BCL6: variants seen among roughly 807,000 people sequenced by gnomAD.
BCL6 encodes the protein B-cell lymphoma 6 protein.
BCL6 carries 7 observed loss-of-function variants against 59.5 expected under a neutral mutation model. That is an observed-to-expected ratio of 0.12 (90% CI 0.07 to 0.22). BCL6 has a LOEUF of 0.22. Among genes scored for constraint, BCL6 ranks in the 10% least tolerant of loss-of-function variants. BCL6 has a pLI of 1.00. For missense variants in BCL6, 685 were observed against 939.4 expected, an observed-to-expected ratio of 0.73 and a Z score of 3.54; for synonymous variants, 339 against 349.7, an observed-to-expected ratio of 0.97 and a Z score of 0.34.
At chr3:187,724,112 T>C (rs1020496414) in intron 9 of BCL6, among the ~76,000 whole-genome samples, 2 of 152,168 alleles carry the variant, frequency 1.3e-5, no homozygotes, top group South Asian at 4.1e-4. Context: ...GTATGTAGGT[T>C]AACCATTCAT....
intron 9 of BCL6, among the ~76,000 whole-genome samples, chr3:187,723,781 TC>T (rs1425779135): frequency 1.3e-5 from 2 of 152,178 alleles, no homozygotes; most frequent in African/African-American, 2.4e-5. Flanking sequence ...GCCTTGGATC[TC>T]CCTTCTGAAT....
At position 187,722,586 on chromosome 3, in the gene BCL6, G is replaced by C. The variant is rs771597612; in HGVS notation, c.1993C>G (p.Leu665Val). Residue 665 changes from leucine (L) to valine (V), a missense_variant, in exon 10 of 10, where the codon CTG becomes GTG. This residue lies in a region of BCL6 where 38 missense variants were observed against 97.9 expected (regional missense o/e 0.39). Coordinates refer to ENST00000406870, the MANE Select transcript of BCL6 (RefSeq NM_001706.5). ...EKPYHCEKCN[L>V]HFRHKSQLRL... ...AGCTGGCTTTTGTGACGGAAATGCA[G>C]GTTACACTTCTCACACTGCAGGGAT... is the stretch of plus-strand genomic sequence containing the variant. The C allele has an allele frequency of 1.9e-6, 3 of 1,613,602 alleles. No homozygotes were observed. The highest frequency in any genetic ancestry group is 2.5e-6 in the Non-Finnish European group (3 of 1,179,840).
At chr3:187,740,796 C>T (rs1264347470) in intron 1 of BCL6, among the ~76,000 whole-genome samples, 1 of 152,206 alleles carries the variant, frequency 6.6e-6, no homozygotes, top group African/African-American at 2.4e-5. Context: ...ATGGTGTGTT[C>T]GAAGCGGGTT....
Position 187,725,178 on chromosome 3 carries a change from G to GC in BCL6, c.1840-101dup. On this transcript the variant is annotated intron_variant, in intron 8 of 9. Transcript: ENST00000406870. This position sits in a 1 kb window ranked among gnomAD's most constrained non-coding sequence, Gnocchi z 4.7. Reference sequence around the variant, plus strand: ...AGCCAGTGAGTGGGCCTTTCTCCAGGCCACTCTGCTCACCTGCACACAGGG... The same window carrying GC: ...AGCCAGTGAGTGGGCCTTTCTCCAGGCCCACTCTGCTCACCTGCACACAGGG... 6.6e-7 allele frequency: 1 copy of GC among 1,525,320 alleles called. No homozygotes were observed. 94.5% of individuals were successfully genotyped at this position (1,525,320 alleles called of 1,614,324 possible). A position where few individuals can be genotyped will look rare whatever the true frequency, so the allele number is the denominator to read the frequency against.
chr3:187,728,178 T>C (rs1431996807), intron 6 of BCL6, among the ~76,000 whole-genome samples, 182 bp downstream of exon 6: 3 of 152,212 alleles, frequency 2.0e-5, no homozygotes, highest in South Asian at 2.1e-4. Flanking sequence ...TTGCTTTGGT[T>C]AACCCAGTTC....
At position 187,729,999 on chromosome 3, in the gene BCL6, T is replaced by C. The variant is rs1484945872; in HGVS notation, c.406A>G (p.Ile136Val). The C allele has an allele frequency of 1.3e-6, 2 of 1,574,668 alleles. No homozygotes were observed. The highest frequency in any genetic ancestry group is 1.7e-6 in the Non-Finnish European group (2 of 1,158,460). ...AGGAACTCTTCACGAGGAGGCTTGATGGCAGAAACCATCTCTGCTTCACTG... is the reference window on the plus strand; with the variant it reads ...AGGAACTCTTCACGAGGAGGCTTGACGGCAGAAACCATCTCTGCTTCACTG... The part of the protein sequence containing the change: ...KASEAEMVSA[I>V]KPPREEFLNS... The change falls in exon 5 of 10, where the codon ATC (isoleucine) becomes GTC (valine). Residue 136 changes from isoleucine to valine, a missense_variant. Around this residue, in one of 7 missense-constraint regions of BCL6, gnomAD observed 268 missense variants for 263.8 expected, o/e 1.02. Coordinates refer to ENST00000406870, the MANE Select transcript of BCL6 (RefSeq NM_001706.5). The surrounding 1 kb of genome is among the most constrained non-coding windows in gnomAD (Gnocchi z 5.6).
intron 1 of BCL6, among the ~76,000 whole-genome samples, chr3:187,735,923 G>T (rs1458328207): frequency 1.3e-5 from 2 of 152,064 alleles, no homozygotes; most frequent in Non-Finnish European, 2.9e-5. Context: ...CATGTACATG[G>T]TTGGTGACCC....
At chr3:187,731,395 G>T (rs896437847) in intron 4 of BCL6, among the ~76,000 whole-genome samples, 2 of 152,140 alleles carry the variant, frequency 1.3e-5, no homozygotes, top group Non-Finnish European at 2.9e-5. Flanking sequence ...GAGGAAAAGT[G>T]TTAATCAGAA....
At position 187,731,839 on chromosome 3, in the gene BCL6, T is replaced by C. The variant is rs769899811; in HGVS notation, c.253A>G (p.Ile85Val). 1.2e-6 allele frequency: 2 copies of C among 1,614,194 alleles called. No individual in the cohort carries two copies. Among genetic ancestry groups the C allele is most frequent in the Non-Finnish European group, 1.7e-6 (2 of 1,180,036 alleles). Residue 85 changes from isoleucine to valine, a missense_variant, in exon 4 of 10, where the codon ATC (isoleucine) becomes GTC (valine). Transcript: ENST00000406870. ...DPEINPEGFC[I>V]LLDFMYTSRL... Reference sequence around the variant, plus strand: ...GATGTGTACATGAAGTCCAGGAGGATGCAGAATCCCTCAGGGTTGATCTCA... The same window carrying C: ...GATGTGTACATGAAGTCCAGGAGGACGCAGAATCCCTCAGGGTTGATCTCA...
intron 6 of BCL6, among the ~76,000 whole-genome samples, chr3:187,727,145 C>T (rs573817144): frequency 1.4e-4 from 21 of 152,326 alleles, no homozygotes; most frequent in Middle Eastern, 3.4e-3. Context: ...AAGGGAAGCT[C>T]AAACCAACAG....
At chr3:187,737,238 A>AT (rs1358523427) in intron 1 of BCL6, 1 of 151,826 alleles carries the variant, frequency 6.6e-6, no homozygotes, top group Non-Finnish European at 1.5e-5. Context: ...GTGCATAGCC[A>AT]ACTAGGCTCC....
Position 187,731,694 on chromosome 3 carries a change from C to G in BCL6, c.383+15G>C. 1.2e-6 allele frequency: 2 copies of G among 1,612,588 alleles called. No individual in the cohort carries two copies. ...CTCTTCCATCTCCGACGCTTCCACC[C>G]GGGTAGCAACTCACCTGGCCTTAAT... On this transcript the variant is annotated intron_variant, in intron 4 of 9. Coordinates refer to ENST00000406870, the MANE Select transcript of BCL6 (RefSeq NM_001706.5).
Position 187,725,698 on chromosome 3 carries a change from C to G in BCL6, c.1709-69G>C. On this transcript the variant is annotated intron_variant, in intron 7 of 9. Coordinates refer to ENST00000406870, the MANE Select transcript of BCL6 (RefSeq NM_001706.5). The surrounding 1 kb of genome is among the most constrained non-coding windows in gnomAD (Gnocchi z 4.7). ...GGAAGGTCTCTGCAGTCCGTGGCTC[C>G]TGGATTTCTAAGCAGCCTGCTCCTC... 4 of 1,590,382 alleles carry G rather than the reference C, an allele frequency of 2.5e-6. No individual in the cohort carries two copies. Among genetic ancestry groups the G allele is most frequent in the Non-Finnish European group, 3.4e-6 (4 of 1,165,504 alleles).
At chr3:187,737,005 TC>T (rs1163787957) in intron 1 of BCL6, 1 of 151,764 alleles carries the variant, frequency 6.6e-6, no homozygotes, top group Admixed American at 6.6e-5. Flanking sequence ...ACACGCCGCG[TC>T]TCCTAGATTC....
chr3:187,730,158 C>T (rs1346257650), intron 4 of BCL6, 137 bp from the exon 5 acceptor site: 13 of 1,236,396 alleles, frequency 1.1e-5, no homozygotes, highest in Admixed American at 9.7e-5. Context: ...GAGCAGGGAA[C>T]CACAATTACA....
intron 5 of BCL6, 90 bp from the exon 6 acceptor site, chr3:187,728,634 A>G: frequency 7.7e-7 from 1 of 1,306,818 alleles, no homozygotes; most frequent in South Asian, 1.4e-5. Context: ...CCCAGAGGCC[A>G]GAGCTGGGCT....
chr3:187,744,795 A>C (rs547926706), intron 1 of BCL6, among the ~76,000 whole-genome samples: 2 of 147,860 alleles, frequency 1.4e-5, no homozygotes, highest in South Asian at 2.2e-4. Flanking sequence ...AGGGAAGCGG[A>C]GGCCAGGAGC....
intron 4 of BCL6, among the ~76,000 whole-genome samples, chr3:187,731,350 G>C (rs1201154114): frequency 6.6e-6 from 1 of 152,108 alleles, no homozygotes; most frequent in African/African-American, 2.4e-5. Context: ...TAAAGCACCA[G>C]CAAAATGCTT....
chr3:187,728,513 CGCT>C lies in BCL6; in HGVS notation c.1384_1386del (p.Ser462del). The C allele has an allele frequency of 1.2e-6, 2 of 1,609,992 alleles. No individual in the cohort carries two copies. The highest frequency in any genetic ancestry group is 1.7e-6 in the Non-Finnish European group (2 of 1,179,134). On this transcript the variant is annotated inframe_deletion, in exon 6 of 10. Coordinates refer to ENST00000406870, the MANE Select transcript of BCL6 (RefSeq NM_001706.5). ...TGCATGTAGAGTGGTGAGTGGCTCT[CGCT>C]GCTGCTGCGGGGAGAGCCCGTCATG...
Sources: gnomAD v4.1 joint callset for allele counts (sites outside exome capture counted in the v4.1 genomes callset) on GRCh38, gnomAD v4.1.1 for gene constraint, gnomAD v4.1.1 regional missense constraint, Gnocchi (gnomAD v3.1) non-coding constraint, MANE v1.5 for transcripts, NCBI Gene and HGNC (gene_info 2026-07-23, HGNC 2026-07-21) for gene names.